Variants in EIF4G3 observed in about 807,000 individuals in gnomAD.
EIF4G3 encodes eIF-4-gamma 3.
In EIF4G3, 34 loss-of-function variants were observed where a neutral mutation model predicts 186.4. The observed-to-expected ratio is 0.18, with a 90% CI of 0.14 to 0.24. The LOEUF is 0.24. EIF4G3 is among the 10% of genes least tolerant of loss of function. The pLI, the probability that EIF4G3 is intolerant of heterozygous loss-of-function variation, is 1.00. For missense variants in EIF4G3, 1,536 were observed against 1,948.5 expected, an observed-to-expected ratio of 0.79 and a Z score of 3.99; for synonymous variants, 673 against 679.5, an observed-to-expected ratio of 0.99 and a Z score of 0.15.
At chr1:21,055,703 T>A (rs1283281404) in intron 3 of EIF4G3, among the ~76,000 whole-genome samples, 2 of 151,910 alleles carry the variant, frequency 1.3e-5, no homozygotes, top group Admixed American at 1.3e-4. Context: ...ATATATCCAG[T>A]GCATTTCATA....
intron 3 of EIF4G3, among the ~76,000 whole-genome samples, chr1:21,060,402 CAA>C (rs924515912): frequency 1.3e-5 from 2 of 152,154 alleles, no homozygotes. Context: ...CTGAATTAAT[CAA>C]GAGACAAATC....
At chr1:20,999,112 C>T (rs890464132) in intron 6 of EIF4G3, among the ~76,000 whole-genome samples, 2 of 152,164 alleles carry the variant, frequency 1.3e-5, no homozygotes, top group Non-Finnish European at 2.9e-5. Flanking sequence ...CTGAAAACAG[C>T]TCTGTCAAGA....
chr1:20,928,737 T>A (rs747756199), intron 14 of EIF4G3, among the ~76,000 whole-genome samples: 1 of 152,218 alleles, frequency 6.6e-6, no homozygotes, highest in Admixed American at 6.5e-5. Context: ...TGTTGACATA[T>A]AATTTACGTA....
At chr1:20,847,687 C>A in intron 29 of EIF4G3, 1 of 414,382 alleles carries the variant, frequency 2.4e-6, no homozygotes. Flanking sequence ...ATAAGAATAC[C>A]CCTAATTTTC....
At chr1:21,095,369 C>T (rs4654734) in intron 2 of EIF4G3, among the ~76,000 whole-genome samples, 149,553 of 152,330 alleles carry the variant, frequency 0.98, 73,454 homozygotes, top group Middle Eastern at 1. Context: ...TTTTGGAGTA[C>T]AGTGTTGGGT....
At chr1:20,993,525 C>T (rs1046665292) in intron 7 of EIF4G3, among the ~76,000 whole-genome samples, 2 of 152,076 alleles carry the variant, frequency 1.3e-5, no homozygotes, top group African/African-American at 4.8e-5. Context: ...ACATACTTTG[C>T]AATTTTTACT....
chr1:20,997,007 T>C (rs572067738), intron 7 of EIF4G3, among the ~76,000 whole-genome samples: 1 of 152,262 alleles, frequency 6.6e-6, no homozygotes, highest in East Asian at 1.9e-4. Flanking sequence ...TTTAAAAAAT[T>C]AAAATTATTT....
chr1:21,091,096 T>C (rs1327999194), intron 2 of EIF4G3, among the ~76,000 whole-genome samples: 3 of 152,208 alleles, frequency 2.0e-5, no homozygotes, highest in Non-Finnish European at 4.4e-5. Flanking sequence ...TCTCAAAACA[T>C]GTACTGTTTA....
chr1:20,906,400 T>C (rs890681943), intron 14 of EIF4G3, among the ~76,000 whole-genome samples: 1 of 152,226 alleles, frequency 6.6e-6, no homozygotes, highest in South Asian at 2.1e-4. Context: ...TTTTAGGAGT[T>C]ATAGAGTTCA....
At chr1:21,024,140 G>A (rs1262101466) in intron 4 of EIF4G3, among the ~76,000 whole-genome samples, 14 of 150,488 alleles carry the variant, frequency 9.3e-5, no homozygotes, top group South Asian at 4.2e-4. Flanking sequence ...GTCTCCGCCC[G>A]GCAGTCACCC....
intron 3 of EIF4G3, among the ~76,000 whole-genome samples, chr1:21,087,991 G>A (rs1391355716): frequency 6.6e-6 from 1 of 152,152 alleles, no homozygotes; most frequent in African/African-American, 2.4e-5. Flanking sequence ...AGTTACTTGG[G>A]AGGCTGAGGC....
At chr1:20,952,233 A>G (rs995129414) in intron 12 of EIF4G3, among the ~76,000 whole-genome samples, 1 of 151,236 alleles carries the variant, frequency 6.6e-6, no homozygotes, top group Admixed American at 6.6e-5. Flanking sequence ...TGGCTTACTG[A>G]AACCTCTGCC....
intron 14 of EIF4G3, among the ~76,000 whole-genome samples, chr1:20,934,205 C>T (rs2095437881): frequency 2.6e-5 from 4 of 152,096 alleles, no homozygotes; most frequent in African/African-American, 4.8e-5. Context: ...CTACTGATGA[C>T]CCTGCTGAGG....
At chr1:20,852,497 A>C (rs764730036) in intron 27 of EIF4G3, among the ~76,000 whole-genome samples, 8 of 152,322 alleles carry the variant, frequency 5.3e-5, no homozygotes, top group Non-Finnish European at 1.0e-4. Context: ...AATCAAGAAG[A>C]AGCTGTCTTG....
intron 20 of EIF4G3, among the ~76,000 whole-genome samples, chr1:20,868,683 A>C: frequency 6.6e-6 from 1 of 152,186 alleles, no homozygotes; most frequent in Non-Finnish European, 1.5e-5. Context: ...ATTTTCACTT[A>C]ACAGTCCATG....
intron 2 of EIF4G3, among the ~76,000 whole-genome samples, chr1:21,151,274 T>C (rs1370111058): frequency 1.5e-5 from 2 of 133,780 alleles, no homozygotes; most frequent in Non-Finnish European, 3.1e-5. Context: ...AGTCTCGCTT[T>C]GTCACCCAGG....
chr1:21,136,880 C>T (rs1010714967), intron 2 of EIF4G3, among the ~76,000 whole-genome samples: 3 of 152,174 alleles, frequency 2.0e-5, no homozygotes, highest in African/African-American at 7.2e-5. Context: ...GTCTTGAAAT[C>T]TGGCTAGTGC....
chr1:20,904,075 C>T (rs935341265), intron 15 of EIF4G3, among the ~76,000 whole-genome samples: 3 of 152,154 alleles, frequency 2.0e-5, no homozygotes, highest in Non-Finnish European at 4.4e-5. Context: ...ACATTCATCT[C>T]TTGGACTTGG....
intron 2 of EIF4G3, among the ~76,000 whole-genome samples, chr1:21,165,011 T>C (rs1452069467): frequency 6.6e-6 from 1 of 152,144 alleles, no homozygotes; most frequent in African/African-American, 2.4e-5. Context: ...AGGATATATA[T>C]AGATAATTCT....
Sources: gnomAD v4.1 joint callset for allele counts (sites outside exome capture counted in the v4.1 genomes callset) on GRCh38, gnomAD v4.1.1 for gene constraint, MANE v1.5 for transcripts, NCBI Gene and HGNC (gene_info 2026-07-23, HGNC 2026-07-21) for gene names.